Variants in LMBR1 observed in about 807,000 individuals in gnomAD.
The protein encoded by LMBR1 is limb region 1 protein homolog.
Under a neutral mutation model 73.9 loss-of-function variants are expected in LMBR1, and 52 were observed. The ratio of observed to expected loss-of-function variants is 0.70; its 90% CI spans 0.56 to 0.89. The LOEUF is 0.89. Among genes scored for constraint, LMBR1 ranks in the 40% least tolerant of loss-of-function variants. The probability of loss-of-function intolerance (pLI) is 0.00; values close to 1 mark genes in which losing one functional copy is unlikely to be tolerated. For missense variants in LMBR1, 539 were observed against 579.8 expected, an observed-to-expected ratio of 0.93 and a Z score of 0.72; for synonymous variants, 215 against 209.4, an observed-to-expected ratio of 1.03 and a Z score of -0.23.
intron 9 of LMBR1, among the ~76,000 whole-genome samples, chr7:156,735,513 C>T (rs2132514709): frequency 6.8e-6 from 1 of 146,148 alleles, no homozygotes; most frequent in African/African-American, 2.5e-5. Context: ...CCCACTACAA[C>T]TGTACTTTAA....
intron 1 of LMBR1, among the ~76,000 whole-genome samples, chr7:156,862,548 A>G (rs1563560927): frequency 6.6e-6 from 1 of 152,220 alleles, no homozygotes; most frequent in East Asian, 1.9e-4. Flanking sequence ...ATTTAGATAC[A>G]ATATGAAAAG....
At chr7:156,825,948 T>C (rs538689567) in intron 4 of LMBR1, among the ~76,000 whole-genome samples, 25 of 152,332 alleles carry the variant, frequency 1.6e-4, no homozygotes, top group Non-Finnish European at 1.2e-4. Flanking sequence ...AAGAAACTAC[T>C]AGCAAATAAA....
Position 156,833,792 on chromosome 7 carries a change from T to C in LMBR1, c.140A>G (p.Asp47Gly). 2 of 1,587,042 alleles carry C rather than the reference T, an allele frequency of 1.3e-6. No homozygotes were observed. Among genetic ancestry groups the C allele is most frequent in the Non-Finnish European group, 1.7e-6 (2 of 1,164,520 alleles). The change falls in exon 3 of 17, where the codon GAT becomes GGT. Residue 47 changes from aspartate (D) to glycine (G), a missense_variant and splice_region_variant. By Grantham distance (94) the Asp-to-Gly change is moderately conservative (BLOSUM62 -1). This residue lies in a region of LMBR1 where 454 missense variants were observed against 473.4 expected (regional missense o/e 0.96). Transcript: ENST00000353442. ...GATGGCATCTTCATCTTCTTGTTCA[T>C]CTGCAAAAATGTTTAAGGTATTAAT... ...FIITRYKRKS[D>G]EQEDEDAIVN...
intron 9 of LMBR1, among the ~76,000 whole-genome samples, chr7:156,754,553 T>C (rs1821506304): frequency 6.6e-6 from 1 of 151,388 alleles, no homozygotes. Context: ...AGCAATGGAA[T>C]TTGTATTTTT....
chr7:156,713,866 A>G (rs1428897902), intron 15 of LMBR1, among the ~76,000 whole-genome samples: 1 of 152,226 alleles, frequency 6.6e-6, no homozygotes, highest in Admixed American at 6.5e-5. Context: ...TGTACCAATT[A>G]CATTTATTTA....
rs369463979 is a variant in LMBR1 at position 156,854,645 on chromosome 7, C to A, written c.67-17760G>T. Among the ~76,000 whole-genome samples the A allele has an allele frequency of 1.2e-4, 19 of 152,326 alleles. No homozygotes were observed. In the East Asian group the frequency reaches 2.1e-3, roughly 17 times the overall value. On this transcript the variant is annotated intron_variant, in intron 1 of 16. Transcript: ENST00000353442. ...AAGAGAGACACCCAGCTTCAGCCCC[C>A]TCTAGCCTTCTTCACCTAAGGAAGG...
intron 15 of LMBR1, among the ~76,000 whole-genome samples, chr7:156,697,096 A>G (rs911279494): frequency 1.3e-4 from 20 of 152,174 alleles, no homozygotes; most frequent in African/African-American, 4.8e-4. Flanking sequence ...CTGGGCCGCC[A>G]GGGGTGACAT....
At chr7:156,761,932 G>A (rs1314394945) in intron 8 of LMBR1, among the ~76,000 whole-genome samples, 2 of 140,354 alleles carry the variant, frequency 1.4e-5, no homozygotes, top group African/African-American at 5.4e-5. Context: ...AGCCGAGATC[G>A]CACCACTGCA....
At chr7:156,805,819 A>T (rs1226574588) in intron 4 of LMBR1, among the ~76,000 whole-genome samples, 1 of 152,106 alleles carries the variant, frequency 6.6e-6, no homozygotes, top group African/African-American at 2.4e-5. Context: ...GTCGTTAGAG[A>T]CAGGAGCCCT....
At chr7:156,758,464 C>T (rs1822321326) in intron 8 of LMBR1, among the ~76,000 whole-genome samples, 1 of 152,088 alleles carries the variant, frequency 6.6e-6, no homozygotes. Context: ...AAATCTGATC[C>T]CCAGTATTGG....
At chr7:156,695,807 C>A (rs1331385568) in intron 15 of LMBR1, among the ~76,000 whole-genome samples, 1 of 150,878 alleles carries the variant, frequency 6.6e-6, no homozygotes, top group African/African-American at 2.5e-5. Context: ...AGTTTTATGA[C>A]CAATCTATTG....
At chr7:156,793,990 G>C (rs144659324) in intron 5 of LMBR1, among the ~76,000 whole-genome samples, 220 of 152,264 alleles carry the variant, frequency 1.4e-3, no homozygotes, top group African/African-American at 5.0e-3. Flanking sequence ...CTACCTTCAA[G>C]CTAGAATCCC....
chr7:156,711,126 T>C (rs550556830), intron 15 of LMBR1, among the ~76,000 whole-genome samples: 29 of 152,248 alleles, frequency 1.9e-4, no homozygotes, highest in Admixed American at 3.9e-4. Context: ...CTAGCTAACA[T>C]GGTGAAACCC....
In LMBR1 at chr7:156,864,080, GGAA is replaced by G. The variant is rs1253265366; in HGVS notation, c.67-27198_67-27196del. Among the ~76,000 whole-genome samples, 9 of 152,240 alleles carry G rather than the reference GGAA, an allele frequency of 5.9e-5. No homozygotes were observed. The East Asian group carries it at 1.5e-3, about 26-fold the overall frequency. On this transcript the variant is annotated intron_variant, in intron 1 of 16. Transcript: ENST00000353442. ...GAGGCATGAGAATCACTTGAACCTG[GGAA>G]GTGGAGGTTGCAGTGAGCTGAGATC...
chr7:156,823,043 T>G (rs898774709), intron 4 of LMBR1: 1 of 151,920 alleles, frequency 6.6e-6, no homozygotes, highest in Non-Finnish European at 1.5e-5. Flanking sequence ...ACCCGGGAGG[T>G]AGAGGTTGCA....
downstream of LMBR1, chr7:156,676,105 G>T (rs1585140480): frequency 1.3e-6 from 1 of 797,088 alleles, no homozygotes; most frequent in African/African-American, 1.7e-5. Flanking sequence ...ACCTGTGGTA[G>T]GACTTTCCTC....
intron 1 of LMBR1, among the ~76,000 whole-genome samples, chr7:156,837,170 C>CAAAAAA (rs79674194): frequency 1.4e-5 from 2 of 143,406 alleles, no homozygotes; most frequent in East Asian, 4.0e-4. Flanking sequence ...CTAAAAAATA[C>CAAAAAA]AAAAAAAAAA....
chr7:156,709,896 A>ATTTTTTTTTTTTTTT lies in LMBR1; in HGVS notation c.1225+14201_1225+14215dup, dbSNP rs34487923. ...GCCAGTTAAAGAATTCAGAAGGTTG[A>ATTTTTTTTTTTTTTT]TTTTTTTTTTTTTTTTTTTTTTTTT... On this transcript the variant is annotated intron_variant, in intron 15 of 16. Coordinates refer to ENST00000353442, the MANE Select transcript of LMBR1 (RefSeq NM_022458.4). Among the ~76,000 whole-genome samples, 24 of 90,356 alleles carry ATTTTTTTTTTTTTTT rather than the reference A, an allele frequency of 2.7e-4. 2 individuals are homozygous for ATTTTTTTTTTTTTTT. The highest frequency in any genetic ancestry group is 1.0e-3 in the East Asian group (3 of 2,984). 59.3% of individuals were successfully genotyped at this position (90,356 alleles called of 152,430 possible). A position where few individuals can be genotyped will look rare whatever the true frequency, so the allele number is the denominator to read the frequency against.
intron 1 of LMBR1, among the ~76,000 whole-genome samples, chr7:156,881,959 CA>C (rs1801162809): frequency 1.3e-5 from 2 of 152,210 alleles, no homozygotes; most frequent in Non-Finnish European, 2.9e-5. Flanking sequence ...TATGATTCAG[CA>C]ATCTCCCTTC....
Sources: allele counts gnomAD v4.1 joint callset (sites outside exome capture counted in the v4.1 genomes callset), GRCh38; gene constraint gnomAD v4.1.1; regional missense constraint gnomAD v4.1.1; transcripts MANE v1.5; gene names NCBI Gene and HGNC (gene_info 2026-07-23, HGNC 2026-07-21).